SYTL2: variants seen among roughly 807,000 people sequenced by gnomAD.
SYTL2 encodes synaptotagmin like 2, also known as synaptotagmin-like protein 2.
In SYTL2, 165 loss-of-function variants were observed where a neutral mutation model predicts 198.7. The ratio of observed to expected loss-of-function variants is 0.83; its 90% CI spans 0.73 to 0.94. SYTL2 has a LOEUF of 0.94. SYTL2 is among the 40% of genes least tolerant of loss of function. The pLI is 0.00. For missense variants in SYTL2, 2,835 were observed against 2,582.8 expected (o/e 1.10, Z -2.12); for synonymous variants, 966 against 917.7 (o/e 1.05, Z -0.95).
At position 85,736,634 on chromosome 11, in the gene SYTL2, T is replaced by C. The variant is rs774215840; in HGVS notation, c.472-19A>G. ...TCCTCTGCTGGGGACAAATATTGTT[T>C]ATTAAACTTATTTTAAATGTCATGA... On this transcript the variant is annotated intron_variant, in intron 5 of 19. Transcript: ENST00000359152. 6.8e-6 allele frequency: 9 copies of C among 1,314,886 alleles called. No individual in the cohort carries two copies. The highest frequency in any genetic ancestry group is 1.5e-5 in the African/African-American group (1 of 67,644). The allele number at this position is 1,314,886 out of a possible 1,614,324, so 81.5% of individuals were successfully genotyped here.
At chr11:85,811,207 G>A (rs2093028138), upstream of SYTL2, 1 of 151,818 alleles carries the variant, frequency 6.6e-6, no homozygotes, top group Non-Finnish European at 1.5e-5. Flanking sequence ...CGGTGCGGTG[G>A]GGCCGGTCCC....
At chr11:85,819,712 A>C in the SYTL2 span, among the ~76,000 whole-genome samples, 3 of 152,264 alleles carry the variant, frequency 2.0e-5, no homozygotes, top group Non-Finnish European at 4.4e-5. Flanking sequence ...CCAATGTAAC[A>C]GTCTGCTGCC....
chr11:85,768,666 C>T (rs1331941987), intron 1 of SYTL2, among the ~76,000 whole-genome samples: 1 of 152,208 alleles, frequency 6.6e-6, no homozygotes, highest in Non-Finnish European at 1.5e-5. Flanking sequence ...ACCTCCTACA[C>T]CATTTTAAGA....
chr11:85,846,505 T>C, the SYTL2 span, among the ~76,000 whole-genome samples: 2 of 152,066 alleles, frequency 1.3e-5, no homozygotes, highest in African/African-American at 2.4e-5. Flanking sequence ...TTCAGCTCAC[T>C]GTACCCTCTG....
intron 1 of SYTL2, among the ~76,000 whole-genome samples, chr11:85,773,284 C>T (rs1342711318): frequency 1.1e-5 from 1 of 91,950 alleles, no homozygotes; most frequent in Admixed American, 1.2e-4. Context: ...TTAGCCCCTC[C>T]AGATCTACAC....
intron 15 of SYTL2, chr11:85,705,273 G>T: frequency 2.8e-6 from 1 of 358,564 alleles, no homozygotes; most frequent in Non-Finnish European, 5.1e-6. Context: ...AGATATCATA[G>T]TTGGTAATAG....
intron 10 of SYTL2, chr11:85,717,802 C>G: frequency 2.0e-6 from 1 of 502,552 alleles, no homozygotes; most frequent in Middle Eastern, 3.0e-4. Context: ...TGGGAAGGAG[C>G]ACTGGACTAG....
At chr11:85,782,991 C>T (rs1271913149) in intron 1 of SYTL2, among the ~76,000 whole-genome samples, 1 of 152,222 alleles carries the variant, frequency 6.6e-6, no homozygotes, top group Admixed American at 6.5e-5. Flanking sequence ...CTGTTCCAAC[C>T]TCTGTCTGTT....
chr11:85,850,601 T>C, the SYTL2 span, among the ~76,000 whole-genome samples: 1 of 151,248 alleles, frequency 6.6e-6, no homozygotes, highest in Non-Finnish European at 1.5e-5. Flanking sequence ...GTTCAACCAT[T>C]GTGGAAGTCA....
the SYTL2 span, among the ~76,000 whole-genome samples, chr11:85,851,100 G>A: frequency 6.6e-6 from 1 of 151,582 alleles, no homozygotes; most frequent in African/African-American, 2.4e-5. Context: ...TGGGTGCAGC[G>A]CACCAGCATG....
At position 85,726,740 on chromosome 11, in the gene SYTL2, G is replaced by T. The variant is rs2089237109; in HGVS notation, c.2618C>A (p.Ser873Tyr). The T allele has an allele frequency of 6.5e-7, 1 of 1,535,954 alleles. No homozygotes were observed. Among genetic ancestry groups the T allele is most frequent in the Admixed American group, 2.0e-5 (1 of 50,976 alleles). The change falls in exon 8 of 20, where the codon TCC becomes TAC. Residue 873 changes from serine (S) to tyrosine (Y), a missense_variant. Around this residue, in one of 3 missense-constraint regions of SYTL2, gnomAD observed 2,645 missense variants for 2,381.7 expected, o/e 1.11. Coordinates refer to ENST00000359152, the MANE Select transcript of SYTL2 (RefSeq NM_206927.4). ...CTTGGTCTCTTTAGATTTATTTGAG[G>T]AATAAGAATTGGAGAGCTGGGATGC... ...DQASQLSNSY[S>Y]SNKSKETKPQ...
intron 2 of SYTL2, among the ~76,000 whole-genome samples, chr11:85,755,483 G>A (rs759859715): frequency 9.2e-5 from 14 of 152,136 alleles, no homozygotes; most frequent in Non-Finnish European, 2.1e-4. Context: ...AGCACCAGTC[G>A]CAGCTGCTGG....
At chr11:85,745,888 C>A in intron 3 of SYTL2, 116 bp from the exon 4 acceptor site, 1 of 998,966 alleles carries the variant, frequency 1.0e-6, no homozygotes, top group Non-Finnish European at 1.5e-6. Context: ...TTCCCAGTGC[C>A]AAGGCAATCA....
the SYTL2 span, among the ~76,000 whole-genome samples, chr11:85,841,185 G>T: frequency 6.6e-6 from 1 of 152,288 alleles, no homozygotes; most frequent in African/African-American, 2.4e-5. Flanking sequence ...TGCTAGTGAG[G>T]TTACAGAGAA....
intron 1 of SYTL2, among the ~76,000 whole-genome samples, chr11:85,802,412 T>C (rs2092903714): frequency 2.6e-5 from 4 of 152,098 alleles, no homozygotes; most frequent in African/African-American, 2.4e-5. Context: ...ATTACAGGCA[T>C]GAGCCAATGC....
At chr11:85,792,000 T>A (rs896042834) in intron 1 of SYTL2, among the ~76,000 whole-genome samples, 3 of 151,982 alleles carry the variant, frequency 2.0e-5, no homozygotes, top group Admixed American at 6.5e-5. Flanking sequence ...ACTGAACCTA[T>A]AGAAAGTATA....
chr11:85,701,069 C>A (rs534977767), intron 16 of SYTL2, among the ~76,000 whole-genome samples: 1 of 152,268 alleles, frequency 6.6e-6, no homozygotes, highest in East Asian at 1.9e-4. Flanking sequence ...AGGCCAAATG[C>A]ATAGAAGTCT....
intron 2 of SYTL2, among the ~76,000 whole-genome samples, chr11:85,753,447 C>A (rs2091669102): frequency 6.6e-6 from 1 of 152,042 alleles, no homozygotes; most frequent in African/African-American, 2.4e-5. Flanking sequence ...TGATCTGGAA[C>A]CGTTATTGTC....
At chr11:85,823,064 G>A in the SYTL2 span, among the ~76,000 whole-genome samples, 1 of 152,232 alleles carries the variant, frequency 6.6e-6, no homozygotes. Context: ...ATCCAGCCTA[G>A]TCCCAGCCTC....
Sources: gnomAD v4.1 joint callset for allele counts (sites outside exome capture counted in the v4.1 genomes callset) on GRCh38, gnomAD v4.1.1 for gene constraint, gnomAD v4.1.1 regional missense constraint, MANE v1.5 for transcripts, NCBI Gene and HGNC (gene_info 2026-07-23, HGNC 2026-07-21) for gene names.